The following PRKCZ variants were observed in gnomAD, a reference collection of about 807,000 sequenced individuals.
PRKCZ encodes the protein protein kinase C zeta type.
PRKCZ carries 33 observed loss-of-function variants against 79.5 expected under a neutral mutation model. The observed-to-expected ratio is 0.41, with a 90% CI of 0.31 to 0.55. The LOEUF (loss-of-function observed/expected upper bound fraction) is 0.55. Ranked by LOEUF, PRKCZ falls within the 20% of genes least tolerant of loss-of-function variation. PRKCZ has a pLI of 0.19. For missense variants in PRKCZ, 578 were observed against 813.5 expected (o/e 0.71, Z 3.52); for synonymous variants, 342 against 320.9 (o/e 1.07, Z -0.70).
chr1:2,148,753 C>A (rs971687458), intron 7 of PRKCZ, 119 bp from the exon 8 acceptor site: 3 of 966,640 alleles, frequency 3.1e-6, no homozygotes, highest in African/African-American at 1.6e-5. Flanking sequence ...GACATGGCTG[C>A]TGTGTGGATT....
At position 2,149,059 on chromosome 1, in the gene PRKCZ, G is replaced by A; in HGVS notation, c.687+135G>A. ...GTGTTGCTAACTAATCTTCACGGGT[G>A]TGGATGTCTAGAAGGAAGTCCTTAT... On this transcript the variant is annotated intron_variant, in intron 8 of 17. Coordinates refer to ENST00000378567, the MANE Select transcript of PRKCZ (RefSeq NM_002744.6). The surrounding 1 kb of genome is among the most constrained non-coding windows in gnomAD (Gnocchi z 4.1). 1 of 942,654 alleles carries A rather than the reference G, an allele frequency of 1.1e-6. No individual in the cohort carries two copies. The highest frequency in any genetic ancestry group is 1.6e-6 in the Non-Finnish European group (1 of 614,808). The allele number at this position is 942,654 out of a possible 1,614,324, so 58.4% of individuals were successfully genotyped here. A position where few individuals can be genotyped will look rare whatever the true frequency, so the allele number is the denominator to read the frequency against.
At chr1:2,163,356 G>A (rs1313796195) in intron 10 of PRKCZ, among the ~76,000 whole-genome samples, 1 of 152,224 alleles carries the variant, frequency 6.6e-6, no homozygotes, top group Non-Finnish European at 1.5e-5. Flanking sequence ...CCCTGCCTGA[G>A]CTGTTGGAGA....
At position 2,073,695 on chromosome 1, in the gene PRKCZ, G is replaced by A. The variant is rs1661847610; in HGVS notation, c.334+14104G>A. On this transcript the variant is annotated intron_variant, in intron 4 of 17. Transcript: ENST00000378567. ...TGGCTACAGCTTCCCGGGGGAGCCG[G>A]GTACCACCCGGGCCTGGAGACATGA... 4 of 992,418 alleles carry A rather than the reference G, an allele frequency of 4.0e-6. No homozygotes were observed. In the South Asian group the frequency reaches 1.8e-4, roughly 45 times the overall value. 61.5% of individuals were successfully genotyped at this position (992,418 alleles called of 1,614,324 possible). A position where few individuals can be genotyped will look rare whatever the true frequency, so the allele number is the denominator to read the frequency against.
chr1:2,119,402 G>T (rs1401126876), intron 4 of PRKCZ, among the ~76,000 whole-genome samples: 1 of 151,764 alleles, frequency 6.6e-6, no homozygotes, highest in African/African-American at 2.4e-5. Context: ...TTTAGTAGAG[G>T]CAGGGTTTCA....
At chr1:2,088,025 A>T (rs992796522) in intron 4 of PRKCZ, among the ~76,000 whole-genome samples, 5 of 152,168 alleles carry the variant, frequency 3.3e-5, no homozygotes, top group African/African-American at 1.2e-4. Flanking sequence ...CTTTGTTTTG[A>T]TGGCGGCAGA....
chr1:2,147,234 T>G (rs1225258576), intron 7 of PRKCZ, among the ~76,000 whole-genome samples: 2 of 151,232 alleles, frequency 1.3e-5, no homozygotes, highest in African/African-American at 4.9e-5. Context: ...ATCCATCTTT[T>G]GTCCACTGAC....
intron 4 of PRKCZ, among the ~76,000 whole-genome samples, chr1:2,080,316 G>C (rs1663242124): frequency 6.6e-6 from 1 of 152,238 alleles, no homozygotes; most frequent in African/African-American, 2.4e-5. Context: ...AAGGTCTTTA[G>C]GTAGGGGCAG....
In PRKCZ at chr1:2,172,242, C is replaced by T. The variant is rs1251125639; in HGVS notation, c.1197+52C>T. The T allele has an allele frequency of 3.1e-6, 5 of 1,613,354 alleles. No homozygotes were observed. The highest frequency in any genetic ancestry group is 1.7e-5 in the Admixed American group (1 of 60,004). ...ACCATCCCGCATGTGCGTCTCGGGG[C>T]GCCTGTCCCGCGGGGTAGTGTCTAC... On this transcript the variant is annotated intron_variant, in intron 12 of 17. Coordinates refer to ENST00000378567, the MANE Select transcript of PRKCZ (RefSeq NM_002744.6). This position sits in a 1 kb window ranked among gnomAD's most constrained non-coding sequence, Gnocchi z 7.8.
chr1:2,163,357 C>T (rs1323890419), intron 10 of PRKCZ, among the ~76,000 whole-genome samples: 1 of 152,224 alleles, frequency 6.6e-6, no homozygotes, highest in Non-Finnish European at 1.5e-5. Context: ...CCTGCCTGAG[C>T]TGTTGGAGAC....
chr1:2,121,762 C>T (rs369805310), intron 4 of PRKCZ, among the ~76,000 whole-genome samples: 28 of 2,786 alleles, frequency 0.01, no homozygotes, highest in Admixed American at 0.015. Flanking sequence ...AGGGTCACGG[C>T]GGTGGTTAGG....
chr1:2,080,385 G>C (rs909883240), intron 4 of PRKCZ, among the ~76,000 whole-genome samples: 1 of 132,294 alleles, frequency 7.6e-6, no homozygotes, highest in Non-Finnish European at 1.5e-5. Flanking sequence ...ACGTCCCACT[G>C]CTCTGCATCC....
chr1:2,100,958 C>G (rs1667336460), intron 4 of PRKCZ, among the ~76,000 whole-genome samples: 1 of 150,070 alleles, frequency 6.7e-6, no homozygotes, highest in East Asian at 2.0e-4. Flanking sequence ...GCCAGTTCAT[C>G]TTTCGTCCTG....
intron 5 of PRKCZ, among the ~76,000 whole-genome samples, chr1:2,138,965 G>C (rs555325311): frequency 8.6e-5 from 13 of 150,688 alleles, no homozygotes; most frequent in Admixed American, 4.6e-4. Flanking sequence ...CAGATCTCTG[G>C]AGAAAAACCG....
rs376932462 is a variant in PRKCZ, at chr1:2,178,940, T to G, written c.1575+3627T>G. ...TCACAGTCACCCCAAAGCCGCCCCC[T>G]CCTTGCCTATCCCCAGCTGAACCAG... is the stretch of plus-strand genomic sequence containing the variant. On this transcript the variant is annotated intron_variant, in intron 16 of 17. Coordinates refer to ENST00000378567, the MANE Select transcript of PRKCZ (RefSeq NM_002744.6). The surrounding 1 kb of genome is among the most constrained non-coding windows in gnomAD (Gnocchi z 4.3). 8.5e-5 allele frequency among the ~76,000 whole-genome samples: 13 copies of G among 152,174 alleles called. No individual in the cohort carries two copies. Among genetic ancestry groups the G allele is most frequent in the African/African-American group, 3.1e-4 (13 of 41,512 alleles).
intron 4 of PRKCZ, among the ~76,000 whole-genome samples, chr1:2,088,029 C>T (rs867068431): frequency 9.2e-5 from 14 of 152,222 alleles, no homozygotes; most frequent in Non-Finnish European, 1.3e-4. Context: ...GTTTTGATGG[C>T]GGCAGAGCCC....
At chr1:2,179,431 G>A (rs1217155991) in intron 16 of PRKCZ, among the ~76,000 whole-genome samples, 2 of 152,226 alleles carry the variant, frequency 1.3e-5, no homozygotes, top group Non-Finnish European at 2.9e-5. Flanking sequence ...TGCAAAGCCT[G>A]AGTATTTGTG....
Position 2,118,713 on chromosome 1 carries a change from C to CTGTGTGTGTGTG in PRKCZ, c.335-16518_335-16507dup, listed in dbSNP as rs770283606. ...TGATGTTAGTGTGACCACACCAGCT[C>CTGTGTGTGTGTG]TGTGTGTGTGTGTGTGTGTGTGTGT... On this transcript the variant is annotated intron_variant, in intron 4 of 17. Transcript: ENST00000378567. Among the ~76,000 whole-genome samples, 514 of 120,686 alleles carry CTGTGTGTGTGTG rather than the reference C, an allele frequency of 4.3e-3. 2 individuals are homozygous for CTGTGTGTGTGTG. Among genetic ancestry groups the CTGTGTGTGTGTG allele is most frequent in the Admixed American group, 0.011 (131 of 11,542 alleles). 79.2% of individuals were successfully genotyped at this position (120,686 alleles called of 152,430 possible).
intron 10 of PRKCZ, among the ~76,000 whole-genome samples, chr1:2,160,427 G>A (rs1452194192): frequency 1.3e-5 from 2 of 152,190 alleles, no homozygotes; most frequent in African/African-American, 4.8e-5. Flanking sequence ...GGAGAGGGGG[G>A]CAGGCAAGGG....
chr1:2,057,191 C>T (rs1431989515), intron 3 of PRKCZ, among the ~76,000 whole-genome samples: 1 of 152,258 alleles, frequency 6.6e-6, no homozygotes, highest in African/African-American at 2.4e-5. Flanking sequence ...GGCCCGGCTC[C>T]AGGCTCACAG....
Sources: allele counts gnomAD v4.1 joint callset (sites outside exome capture counted in the v4.1 genomes callset), GRCh38; gene constraint gnomAD v4.1.1; non-coding constraint Gnocchi (gnomAD v3.1); transcripts MANE v1.5; gene names NCBI Gene and HGNC (gene_info 2026-07-23, HGNC 2026-07-21).